UGT1A5: variants seen among roughly 807,000 people sequenced by gnomAD.
The protein encoded by UGT1A5 is UDP glucuronosyltransferase family 1 member A5.
Under a neutral mutation model 40.3 loss-of-function variants are expected in UGT1A5, and 29 were observed. The ratio of observed to expected loss-of-function variants is 0.72; its 90% CI spans 0.54 to 0.98. UGT1A5 has a LOEUF of 0.98. UGT1A5 is among the 50% of genes least tolerant of loss of function. The pLI, the probability that UGT1A5 is intolerant of heterozygous loss-of-function variation, is 0.00. For synonymous variants in UGT1A5, 257 were observed against 262.5 expected (o/e 0.98, Z 0.20); for missense variants, 678 against 677.9 (o/e 1.00, Z 0.00).
At chr2:233,725,615 T>C (rs572802204) in intron 1 of UGT1A5, among the ~76,000 whole-genome samples, 1 of 152,322 alleles carries the variant, frequency 6.6e-6, no homozygotes, top group African/African-American at 2.4e-5. Flanking sequence ...TCTTGCTAAG[T>C]CTTCAAAATC....
rs3755321 is a variant in UGT1A5 at position 233,713,179 on chromosome 2, T to C, written c.188T>C (p.Leu63Pro). 0.098 allele frequency: 158,294 copies of C among 1,614,156 alleles called. 8,780 individuals are homozygous for C. Among genetic ancestry groups the C allele is most frequent in the South Asian group, 0.2 (17,978 of 91,082 alleles). ...ARGHQVVVLT[L>P]EVNMYIKEEN... ...GGCCACCAGGTGGTGGTCCTCACCC[T>C]GGAGGTGAATATGTACATCAAAGAA... is the stretch of plus-strand genomic sequence containing the variant. Residue 63 changes from leucine (L) to proline (P), a missense_variant, in exon 1 of 5, where the codon CTG becomes CCG. By Grantham distance (98) the Leu-to-Pro change is moderately conservative. Transcript: ENST00000373414.
At chr2:233,724,269 CGGCTGGCCGGGCGGGG>C (rs2077201800) in intron 1 of UGT1A5, among the ~76,000 whole-genome samples, 1 of 124,806 alleles carries the variant, frequency 8.0e-6, no homozygotes, top group Non-Finnish European at 1.7e-5. Flanking sequence ...CCGGACGGGG[CGGCTGGCCGGGCGGGG>C]GGCTGACCCC....
intron 1 of UGT1A5, among the ~76,000 whole-genome samples, chr2:233,763,269 T>C (rs934722016): frequency 6.6e-6 from 1 of 152,266 alleles, no homozygotes; most frequent in Non-Finnish European, 1.5e-5. Context: ...TCTTGTTGCA[T>C]GTTTTAATCT....
intron 2 of UGT1A5, 98 bp downstream of exon 2, chr2:233,767,263 G>C (rs1020187729): frequency 6.3e-7 from 1 of 1,589,094 alleles, no homozygotes; most frequent in African/African-American, 1.4e-5. Flanking sequence ...TGGAACCTTA[G>C]ATTTGGCTTT....
chr2:233,768,652 T>C (rs1699688984), intron 4 of UGT1A5, among the ~76,000 whole-genome samples: 1 of 146,762 alleles, frequency 6.8e-6, no homozygotes, highest in Non-Finnish European at 1.5e-5. Flanking sequence ...AGTGGTGCAA[T>C]CTTGGCTTAC....
rs1043133002 is a variant in UGT1A5 at position 233,769,410 on chromosome 2, C to A, written c.1307+971C>A. 7.5e-7 allele frequency: 1 copy of A among 1,333,034 alleles called. No homozygotes were observed. The highest frequency in any genetic ancestry group is 1.1e-6 in the Non-Finnish European group (1 of 947,460). The allele number at this position is 1,333,034 out of a possible 1,614,324, so 82.6% of individuals were successfully genotyped here. ...GATACTGTGTGCATATGTGCGTGTG[C>A]GTTTGTGCATGTGGCTGTGCTCATG... On this transcript the variant is annotated intron_variant, in intron 4 of 4. Transcript: ENST00000373414. The surrounding 1 kb of genome is among the most constrained non-coding windows in gnomAD (Gnocchi z 4.4).
chr2:233,765,727 T>TA (rs1026006694), intron 1 of UGT1A5, among the ~76,000 whole-genome samples: 8 of 150,756 alleles, frequency 5.3e-5, no homozygotes, highest in Non-Finnish European at 1.0e-4. Context: ...ATAATAATAA[T>TA]AATAAATAAA....
chr2:233,745,916 A>G (rs1693246629), intron 1 of UGT1A5, among the ~76,000 whole-genome samples: 1 of 151,488 alleles, frequency 6.6e-6, no homozygotes. Flanking sequence ...CAGCTGAGGC[A>G]GTGATTCAGA....
At chr2:233,724,602 G>A (rs1229954806) in intron 1 of UGT1A5, among the ~76,000 whole-genome samples, 3 of 135,486 alleles carry the variant, frequency 2.2e-5, no homozygotes, top group Admixed American at 7.3e-5. Flanking sequence ...CAGACGATGG[G>A]CGGCCGGGCA....
At chr2:233,719,076 C>A (rs2076722760) in intron 1 of UGT1A5, 1 of 1,614,264 alleles carries the variant, frequency 6.2e-7, no homozygotes, top group East Asian at 2.2e-5. Context: ...TCCATGGACC[C>A]AGAAGGAATT....
intron 1 of UGT1A5, among the ~76,000 whole-genome samples, chr2:233,762,329 A>G (rs1333390558): frequency 6.6e-6 from 1 of 152,248 alleles, no homozygotes; most frequent in Non-Finnish European, 1.5e-5. Flanking sequence ...GTAATCCACA[A>G]TAGCTCTTTT....
chr2:233,742,906 T>G (rs1484146320), intron 1 of UGT1A5: 79 of 166,834 alleles, frequency 4.7e-4, no homozygotes, highest in Non-Finnish European at 5.6e-4. Context: ...AAAAAGGTAA[T>G]GCTCAAAGTG....
intron 1 of UGT1A5, chr2:233,748,082 C>T (rs1013967791): frequency 1.5e-5 from 25 of 1,612,926 alleles, no homozygotes; most frequent in East Asian, 6.7e-5. Context: ...TATCTCAGGT[C>T]GGTGTTCGTG....
chr2:233,771,661 T>C (rs899762223), intron 4 of UGT1A5: 2 of 152,426 alleles, frequency 1.3e-5, no homozygotes, highest in African/African-American at 4.8e-5. Context: ...TAATGAAATT[T>C]CTCACAAAAT....
At position 233,747,675 on chromosome 2, in the gene UGT1A5, T is replaced by A. The variant is rs1693747728; in HGVS notation, c.868-19359T>A. On this transcript the variant is annotated intron_variant, in intron 1 of 4. Transcript: ENST00000373414. ...CGATGTGGTTTTAATAGACCCAATTTACCTCTGTGGGGCAGTGCTGGCTAA... is the reference window on the plus strand; with the variant it reads ...CGATGTGGTTTTAATAGACCCAATTAACCTCTGTGGGGCAGTGCTGGCTAA... The A allele has an allele frequency of 8.1e-6, 13 of 1,605,742 alleles. No homozygotes were observed. The South Asian group carries it at 1.4e-4, about 18-fold the overall frequency.
chr2:233,742,531 TTTTG>T (rs1252535514), intron 1 of UGT1A5, among the ~76,000 whole-genome samples: 4 of 151,838 alleles, frequency 2.6e-5, no homozygotes, highest in African/African-American at 9.7e-5. Context: ...GCTGCAGAGA[TTTTG>T]TTTATGGCCA....
intron 1 of UGT1A5, among the ~76,000 whole-genome samples, chr2:233,758,958 A>G (rs936812045): frequency 2.0e-5 from 3 of 152,152 alleles, no homozygotes; most frequent in Non-Finnish European, 4.4e-5. Flanking sequence ...AATTTCCCCA[A>G]ATGCCTTTCC....
rs1408103062 is a variant in UGT1A5 at position 233,767,311 on chromosome 2, TTTG to T, written c.999+154_999+156del. On this transcript the variant is annotated intron_variant, in intron 2 of 4. Coordinates refer to ENST00000373414, the MANE Select transcript of UGT1A5 (RefSeq NM_019078.2). The stretch of plus-strand genomic sequence containing the variant: ...CCCAACTATTAATCCAAAGGTTTTT[TTTG>T]TTGTTGTGGTTGTTGTCATTGTTTT... 34 of 1,514,266 alleles carry T rather than the reference TTTG, an allele frequency of 2.2e-5. No homozygotes were observed. In the African/African-American group the frequency reaches 2.9e-4, roughly 13 times the overall value. The allele number at this position is 1,514,266 out of a possible 1,614,324, so 93.8% of individuals were successfully genotyped here. A position where few individuals can be genotyped will look rare whatever the true frequency, so the allele number is the denominator to read the frequency against.
chr2:233,725,558 C>A (rs1559370859), intron 1 of UGT1A5, among the ~76,000 whole-genome samples: 1 of 152,094 alleles, frequency 6.6e-6, no homozygotes, highest in Non-Finnish European at 1.5e-5. Context: ...ATCCTTTCAA[C>A]ATATATTCGA....
Sources: gnomAD v4.1 joint callset for allele counts (sites outside exome capture counted in the v4.1 genomes callset) on GRCh38, gnomAD v4.1.1 for gene constraint, Gnocchi (gnomAD v3.1) non-coding constraint, MANE v1.5 for transcripts, NCBI Gene and HGNC (gene_info 2026-07-23, HGNC 2026-07-21) for gene names.